The following NCK2 variants were observed in gnomAD, a reference collection of about 807,000 sequenced individuals.
NCK2 encodes NCK adaptor protein 2.
Under a neutral mutation model 33.9 loss-of-function variants are expected in NCK2, and 16 were observed. The observed-to-expected ratio is 0.47, with a 90% CI of 0.32 to 0.72. NCK2 has a LOEUF of 0.72. Among genes scored for constraint, NCK2 ranks in the 30% least tolerant of loss-of-function variants. NCK2 has a pLI of 0.03. For synonymous variants in NCK2, 273 were observed against 239.9 expected (o/e 1.14, Z -1.27); for missense variants, 418 against 537.3 (o/e 0.78, Z 2.19).
chr2:105,747,943 A>T (rs139925588), intron 1 of NCK2, among the ~76,000 whole-genome samples: 33 of 152,318 alleles, frequency 2.2e-4, no homozygotes, highest in African/African-American at 7.5e-4. Flanking sequence ...TAGCACAATT[A>T]AAAAATTAGA....
chr2:105,768,591 G>C (rs1690023337), intron 1 of NCK2, among the ~76,000 whole-genome samples: 2 of 152,196 alleles, frequency 1.3e-5, no homozygotes, highest in South Asian at 4.1e-4. Context: ...ATAAAGCTAG[G>C]TTGTCCAACC....
chr2:105,830,650 T>C (rs1053725551), intron 2 of NCK2, among the ~76,000 whole-genome samples: 2 of 147,300 alleles, frequency 1.4e-5, no homozygotes, highest in Admixed American at 7.0e-5. Context: ...CCTCTTTGTT[T>C]GCATCCTTGC....
intron 2 of NCK2, chr2:105,846,692 G>T (rs567890222): frequency 6.6e-6 from 1 of 152,342 alleles, no homozygotes; most frequent in East Asian, 1.9e-4. Context: ...TGACAAGGAT[G>T]TAGAGAACTT....
intron 4 of NCK2, among the ~76,000 whole-genome samples, chr2:105,891,983 AACT>A (rs1679005420): frequency 6.6e-6 from 1 of 152,212 alleles, no homozygotes; most frequent in Admixed American, 6.5e-5. Context: ...GGATATTGTG[AACT>A]ATGTTTAAAA....
chr2:105,872,640 C>T (rs143140463), intron 3 of NCK2, among the ~76,000 whole-genome samples: 34 of 152,320 alleles, frequency 2.2e-4, no homozygotes, highest in African/African-American at 7.7e-4. Context: ...GAGCAAAGAA[C>T]CCTTCTTGAG....
chr2:105,824,630 G>A (rs184480192), intron 2 of NCK2, among the ~76,000 whole-genome samples: 2 of 152,236 alleles, frequency 1.3e-5, no homozygotes, highest in East Asian at 1.9e-4. Context: ...ACGTCTCGGC[G>A]GCGTGTGCTT....
chr2:105,801,911 G>A (rs987632144), intron 1 of NCK2, among the ~76,000 whole-genome samples: 2 of 152,132 alleles, frequency 1.3e-5, no homozygotes, highest in Admixed American at 1.3e-4. Flanking sequence ...CAAAGCCAGT[G>A]TGCATTCACC....
At chr2:105,776,720 T>C (rs1690315078) in intron 1 of NCK2, among the ~76,000 whole-genome samples, 1 of 152,124 alleles carries the variant, frequency 6.6e-6, no homozygotes, top group African/African-American at 2.4e-5. Context: ...GGGCTGGACT[T>C]AGTCCAGGCT....
intron 4 of NCK2, among the ~76,000 whole-genome samples, chr2:105,885,954 C>T (rs1187358831): frequency 6.6e-6 from 1 of 151,858 alleles, no homozygotes; most frequent in Non-Finnish European, 1.5e-5. Context: ...AATAAACGTG[C>T]TGTATTTGCT....
chr2:105,748,597 T>C (rs1689362300), intron 1 of NCK2, among the ~76,000 whole-genome samples: 1 of 152,060 alleles, frequency 6.6e-6, no homozygotes, highest in South Asian at 2.1e-4. Flanking sequence ...TATTTTTATT[T>C]TGTAGAGACA....
At chr2:105,793,490 A>G (rs1690966631) in intron 1 of NCK2, among the ~76,000 whole-genome samples, 1 of 152,058 alleles carries the variant, frequency 6.6e-6, no homozygotes, top group African/African-American at 2.4e-5. Flanking sequence ...GAGTTAAGGC[A>G]GGGTAGAAAT....
chr2:105,808,257 A>T (rs552297656), intron 1 of NCK2, among the ~76,000 whole-genome samples: 2 of 152,332 alleles, frequency 1.3e-5, no homozygotes, highest in African/African-American at 4.8e-5. Flanking sequence ...ATGATTTTGT[A>T]ACTTTCAGCC....
intron 1 of NCK2, among the ~76,000 whole-genome samples, chr2:105,807,020 G>A (rs565452509): frequency 1.3e-5 from 2 of 152,266 alleles, no homozygotes; most frequent in South Asian, 2.1e-4. Context: ...TCATGCTGAA[G>A]AGTCCTATTG....
rs570143136 is a variant in NCK2 at position 105,821,684 on chromosome 2, A to G, written c.-17+5071A>G. 3.4e-4 allele frequency among the ~76,000 whole-genome samples: 51 copies of G among 152,192 alleles called. No individual in the cohort carries two copies. The East Asian group carries it at 7.6e-3, about 23-fold the overall frequency. Reference sequence around the variant, plus strand: ...GTCATCGTTGGCAGGTGCCCGGCACAGGGCTTGTCACTGCTTGTATATTAT... The same window carrying G: ...GTCATCGTTGGCAGGTGCCCGGCACGGGGCTTGTCACTGCTTGTATATTAT... On this transcript the variant is annotated intron_variant, in intron 2 of 4. Transcript: ENST00000233154.
At chr2:105,750,037 A>ACACACACACACAC (rs1553449506) in intron 1 of NCK2, among the ~76,000 whole-genome samples, 3 of 144,552 alleles carry the variant, frequency 2.1e-5, no homozygotes, top group South Asian at 2.3e-4. Flanking sequence ...AAAGCAAACA[A>ACACACACACACAC]ACACACACAC....
At chr2:105,786,502 C>G (rs999391279) in intron 1 of NCK2, among the ~76,000 whole-genome samples, 3 of 152,350 alleles carry the variant, frequency 2.0e-5, no homozygotes, top group South Asian at 4.1e-4. Context: ...CTGCTCCTCT[C>G]TAAGCATGAG....
In NCK2 at chr2:105,749,638, T is replaced by G. The variant is rs1689389343; in HGVS notation, c.-201+4500T>G. Among the ~76,000 whole-genome samples, 3 of 152,072 alleles carry G rather than the reference T, an allele frequency of 2.0e-5. No homozygotes were observed. The South Asian group carries it at 6.2e-4, about 32-fold the overall frequency. Reference sequence around the variant, plus strand: ...GGCAGTTTACAGAACACAGTGTCCTTGGGTATCTGCCTTTGCCGTGTCGCA... The same window carrying G: ...GGCAGTTTACAGAACACAGTGTCCTGGGGTATCTGCCTTTGCCGTGTCGCA... On this transcript the variant is annotated intron_variant, in intron 1 of 4. Coordinates refer to ENST00000233154, the MANE Select transcript of NCK2 (RefSeq NM_003581.5).
At chr2:105,814,541 G>A (rs1217167997) in intron 1 of NCK2, among the ~76,000 whole-genome samples, 7 of 152,130 alleles carry the variant, frequency 4.6e-5, no homozygotes, top group African/African-American at 2.4e-5. Context: ...GTTCTTTTGC[G>A]GGGTCTGGTA....
chr2:105,850,724 A>G (rs1677035060), intron 2 of NCK2, among the ~76,000 whole-genome samples: 1 of 152,230 alleles, frequency 6.6e-6, no homozygotes, highest in Non-Finnish European at 1.5e-5. Flanking sequence ...CTAAATCAGA[A>G]TACCATCTCT....
Sources: gnomAD v4.1 joint callset for allele counts (sites outside exome capture counted in the v4.1 genomes callset) on GRCh38, gnomAD v4.1.1 for gene constraint, MANE v1.5 for transcripts, NCBI Gene and HGNC (gene_info 2026-07-23, HGNC 2026-07-21) for gene names.